Variants in RIN3 observed in about 807,000 individuals in gnomAD.
The protein encoded by RIN3 is RAB5 interacting protein 3.
RIN3 carries 54 observed loss-of-function variants against 76.3 expected under a neutral mutation model. The ratio of observed to expected loss-of-function variants is 0.71; its 90% CI spans 0.57 to 0.89. RIN3 has a LOEUF of 0.89. Among genes scored for constraint, RIN3 ranks in the 40% least tolerant of loss-of-function variants. RIN3 has a pLI of 0.00. For missense variants in RIN3, 1,256 were observed against 1,322.1 expected, an observed-to-expected ratio of 0.95 and a Z score of 0.78; for synonymous variants, 576 against 564.0, an observed-to-expected ratio of 1.02 and a Z score of -0.30.
At chr14:92,584,055 C>T (rs1884671280) in intron 3 of RIN3, among the ~76,000 whole-genome samples, 1 of 152,102 alleles carries the variant, frequency 6.6e-6, no homozygotes, top group African/African-American at 2.4e-5. Flanking sequence ...AGTTGGGGAC[C>T]CCTCATTTAA....
At chr14:92,561,253 G>C (rs369909865) in intron 2 of RIN3, among the ~76,000 whole-genome samples, 1 of 149,888 alleles carries the variant, frequency 6.7e-6, no homozygotes. Flanking sequence ...TGCTGGCACC[G>C]ATGAAAGACA....
intron 4 of RIN3, 146 bp from the exon 5 acceptor site, chr14:92,641,092 A>C (rs1341130583): frequency 1.6e-6 from 1 of 643,306 alleles, no homozygotes. Context: ...CTTCTGCCTC[A>C]GAGTCTGCCC....
chr14:92,608,359 A>C (rs959824713), intron 3 of RIN3, among the ~76,000 whole-genome samples: 10 of 152,234 alleles, frequency 6.6e-5, no homozygotes, highest in Non-Finnish European at 5.9e-5. Flanking sequence ...CCATTTTATG[A>C]ATACAGTTAT....
chr14:92,641,785 T>C (rs1375653404), intron 5 of RIN3, among the ~76,000 whole-genome samples: 1 of 152,164 alleles, frequency 6.6e-6, no homozygotes, highest in Non-Finnish European at 1.5e-5. Context: ...AAGCACACCC[T>C]ACCCCACCCT....
At chr14:92,537,956 C>T (rs1277897484) in intron 1 of RIN3, among the ~76,000 whole-genome samples, 1 of 152,082 alleles carries the variant, frequency 6.6e-6, no homozygotes, top group East Asian at 1.9e-4. Context: ...TCTGCCTCAG[C>T]CCCCCAAGTA....
In RIN3 at chr14:92,685,156, G is replaced by T. The variant is rs1378179398; in HGVS notation, c.2631+6G>T. 1 of 1,598,266 alleles carries T rather than the reference G, an allele frequency of 6.3e-7. No homozygotes were observed. The highest frequency in any genetic ancestry group is 8.6e-7 in the Non-Finnish European group (1 of 1,169,508). ...CCTCCCGCTCCTCCGTACAGGTGAG[G>T]CCTGAGAGCGGGAGGGGCCCGGTGG... On this transcript the variant is annotated splice_donor_region_variant and intron_variant, in intron 9 of 9. Transcript: ENST00000216487. This position sits in a 1 kb window ranked among gnomAD's most constrained non-coding sequence, Gnocchi z 4.7.
At chr14:92,627,692 G>GAC (rs1454172517) in intron 4 of RIN3, among the ~76,000 whole-genome samples, 128 of 152,316 alleles carry the variant, frequency 8.4e-4, no homozygotes, top group African/African-American at 3.0e-3. Context: ...CACAGTGGGT[G>GAC]GGGTCCCAAT....
chr14:92,617,078 C>T (rs1487299368), intron 4 of RIN3, among the ~76,000 whole-genome samples: 1 of 152,132 alleles, frequency 6.6e-6, no homozygotes, highest in East Asian at 1.9e-4. Flanking sequence ...GCCGGTGGAT[C>T]ACTTGAGGTC....
intron 1 of RIN3, among the ~76,000 whole-genome samples, chr14:92,539,064 T>A (rs929883878): frequency 1.3e-5 from 2 of 152,080 alleles, no homozygotes; most frequent in Non-Finnish European, 2.9e-5. Context: ...CCGTTGCTCT[T>A]GGTGACCTGG....
At chr14:92,606,512 T>A (rs1466717533) in intron 3 of RIN3, among the ~76,000 whole-genome samples, 3 of 152,084 alleles carry the variant, frequency 2.0e-5, no homozygotes, top group Non-Finnish European at 4.4e-5. Flanking sequence ...ACCACTGCAT[T>A]CTAGTCTGGG....
At chr14:92,625,742 G>A (rs981788507) in intron 4 of RIN3, among the ~76,000 whole-genome samples, 8 of 152,186 alleles carry the variant, frequency 5.3e-5, no homozygotes, top group African/African-American at 1.9e-4. Context: ...CTTGGGTTTG[G>A]ACCCTTTATA....
chr14:92,514,108 C>A lies in RIN3; in HGVS notation c.44+132C>A. The A allele has an allele frequency of 1.6e-6, 1 of 608,762 alleles. No homozygotes were observed. Among genetic ancestry groups the A allele is most frequent in the Non-Finnish European group, 2.4e-6 (1 of 418,974 alleles). The allele number at this position is 608,762 out of a possible 1,614,324, so 37.7% of individuals were successfully genotyped here. ...GGGGTTGTCGGGCTGATACGGGACC[C>A]CCACCGTGGCCGAGGCCAGAACCTG... On this transcript the variant is annotated intron_variant, in intron 1 of 9. Coordinates refer to ENST00000216487, the MANE Select transcript of RIN3 (RefSeq NM_024832.5). This position sits in a 1 kb window ranked among gnomAD's most constrained non-coding sequence, Gnocchi z 7.2.
At chr14:92,669,351 T>C (rs571609732) in intron 7 of RIN3, among the ~76,000 whole-genome samples, 1 of 152,326 alleles carries the variant, frequency 6.6e-6, no homozygotes, top group Admixed American at 6.5e-5. Context: ...AGGAGTTTGC[T>C]GTCCTGGGAC....
Position 92,513,801 on chromosome 14 carries a change from G to T in RIN3, c.-132G>T, listed in dbSNP as rs963355649. On this transcript the variant is annotated 5_prime_UTR_variant, in exon 1 of 10. Coordinates refer to ENST00000216487, the MANE Select transcript of RIN3 (RefSeq NM_024832.5). ...GAAGTAGAAGGGAGCGAGAGCCCCA[G>T]AGCGCGGCGGCAGCGGCGGCCTGGC... is the stretch of plus-strand genomic sequence containing the variant. 1.2e-5 allele frequency: 6 copies of T among 483,698 alleles called. No individual in the cohort carries two copies. The highest frequency in any genetic ancestry group is 1.0e-4 in the South Asian group (1 of 9,986). The allele number at this position is 483,698 out of a possible 1,614,324, so 30.0% of individuals were successfully genotyped here.
At chr14:92,599,131 A>G (rs1259102309) in intron 3 of RIN3, among the ~76,000 whole-genome samples, 1 of 152,200 alleles carries the variant, frequency 6.6e-6, no homozygotes, top group Non-Finnish European at 1.5e-5. Context: ...GGCAATGTGC[A>G]TCCAGGCCTT....
At chr14:92,560,713 T>C (rs1210699361) in intron 2 of RIN3, among the ~76,000 whole-genome samples, 4 of 152,008 alleles carry the variant, frequency 2.6e-5, no homozygotes, top group Non-Finnish European at 5.9e-5. Context: ...GATGATGTCA[T>C]TGTTTCTAAA....
chr14:92,527,046 CTTT>C lies in RIN3; in HGVS notation c.44+13090_44+13092del, dbSNP rs1215618245. On this transcript the variant is annotated intron_variant, in intron 1 of 9. Coordinates refer to ENST00000216487, the MANE Select transcript of RIN3 (RefSeq NM_024832.5). The stretch of plus-strand genomic sequence containing the variant: ...TGTGTCTGTCTGTGTTTCTCCCCAT[CTTT>C]TTTTTTTTTTTTTTTTTTTGAGACA... Among the ~76,000 whole-genome samples the C allele has an allele frequency of 3.1e-3, 339 of 109,942 alleles. 1 individual carries two copies. Among genetic ancestry groups the C allele is most frequent in the African/African-American group, 0.013 (323 of 24,732 alleles). The allele number at this position is 109,942 out of a possible 152,430, so 72.1% of individuals were successfully genotyped here.
intron 3 of RIN3, among the ~76,000 whole-genome samples, chr14:92,583,088 G>T (rs543417058): frequency 6.6e-6 from 1 of 152,268 alleles, no homozygotes; most frequent in East Asian, 1.9e-4. Context: ...CACTGGAAAG[G>T]GTTCGTGTGT....
intron 2 of RIN3, among the ~76,000 whole-genome samples, chr14:92,574,769 C>T (rs1898170629): frequency 6.6e-6 from 1 of 152,120 alleles, no homozygotes; most frequent in Non-Finnish European, 1.5e-5. Context: ...CATTTCCAGC[C>T]TTGGTTTGGT....
Sources: gnomAD v4.1 joint callset for allele counts (sites outside exome capture counted in the v4.1 genomes callset) on GRCh38, gnomAD v4.1.1 for gene constraint, Gnocchi (gnomAD v3.1) non-coding constraint, MANE v1.5 for transcripts, NCBI Gene and HGNC (gene_info 2026-07-23, HGNC 2026-07-21) for gene names.